Variants in MSANTD1 observed in about 807,000 individuals in gnomAD.
MSANTD1 encodes myb/SANT-like DNA-binding domain-containing protein 1.
Under a neutral mutation model 24.2 loss-of-function variants are expected in MSANTD1, and 7 were observed. The ratio of observed to expected loss-of-function variants is 0.29; its 90% CI spans 0.16 to 0.54. The LOEUF is 0.54. MSANTD1 is among the 20% of genes least tolerant of loss of function. The probability of loss-of-function intolerance (pLI) is 0.94; values close to 1 mark genes in which losing one functional copy is unlikely to be tolerated. For synonymous variants in MSANTD1, 177 were observed against 181.1 expected, an observed-to-expected ratio of 0.98 and a Z score of 0.18; for missense variants, 384 against 408.2, an observed-to-expected ratio of 0.94 and a Z score of 0.51.
intron 2 of MSANTD1, among the ~76,000 whole-genome samples, chr4:3,255,237 T>C (rs1231236072): frequency 2.0e-5 from 3 of 151,418 alleles, no homozygotes; most frequent in Admixed American, 6.6e-5. Context: ...CTTTTTCTTT[T>C]TTTTTTTTTT....
Position 3,249,195 on chromosome 4 carries a change from GA to G in MSANTD1, c.-27del, listed in dbSNP as rs1722130717. 7.3e-7 allele frequency: 1 copy of G among 1,361,570 alleles called. No individual in the cohort carries two copies. The highest frequency in any genetic ancestry group is 1.5e-5 in the African/African-American group (1 of 65,146). The allele number at this position is 1,361,570 out of a possible 1,614,324, so 84.3% of individuals were successfully genotyped here. On this transcript the variant is annotated 5_prime_UTR_variant, in exon 1 of 3. Coordinates refer to ENST00000438480, the MANE Select transcript of MSANTD1 (RefSeq NM_001042690.2). ...CCATTTTGAGCGTGGAGCTGCCTTC[GA>G]GCGAGCGTGAGCGGCGCCTCCCGCC...
intron 1 of MSANTD1, among the ~76,000 whole-genome samples, chr4:3,250,815 G>A (rs1722202279): frequency 6.6e-6 from 1 of 152,178 alleles, no homozygotes; most frequent in Admixed American, 6.5e-5. Context: ...CACCCCCACT[G>A]CCCCCCTCAG....
chr4:3,246,530 G>A, upstream of MSANTD1: 1 of 562,692 alleles, frequency 1.8e-6, no homozygotes, highest in Non-Finnish European at 3.2e-6. Context: ...CCCCGCCCAT[G>A]TCCCAGGTCT....
chr4:3,250,960 A>AT (rs1228543885), intron 1 of MSANTD1, among the ~76,000 whole-genome samples: 2 of 152,054 alleles, frequency 1.3e-5, no homozygotes, highest in Non-Finnish European at 2.9e-5. Context: ...CGTTGATTTG[A>AT]TTTTTTCTGA....
intron 2 of MSANTD1, among the ~76,000 whole-genome samples, chr4:3,254,925 G>A (rs540193796): frequency 6.6e-6 from 1 of 152,306 alleles, no homozygotes; most frequent in East Asian, 1.9e-4. Flanking sequence ...AAGGCCGGGT[G>A]GGGCTGGTGG....
upstream of MSANTD1, chr4:3,249,135 C>A: frequency 8.2e-7 from 1 of 1,222,124 alleles, no homozygotes; most frequent in Non-Finnish European, 1.1e-6. Context: ...CGTTTAAAAG[C>A]TTTTAACTAA....
At chr4:3,251,606 G>A (rs1332933631) in intron 1 of MSANTD1, among the ~76,000 whole-genome samples, 5 of 152,208 alleles carry the variant, frequency 3.3e-5, no homozygotes, top group African/African-American at 1.2e-4. Flanking sequence ...AGCAGAGGAA[G>A]CTGTGGCTGG....
Position 3,256,022 on chromosome 4 carries a change from CCAGGGCAGGCCACT to C in MSANTD1, c.*62_*75del. 1.4e-6 allele frequency: 2 copies of C among 1,424,278 alleles called. No homozygotes were observed. Among genetic ancestry groups the C allele is most frequent in the South Asian group, 3.0e-5 (2 of 66,034 alleles). The allele number at this position is 1,424,278 out of a possible 1,614,324, so 88.2% of individuals were successfully genotyped here. ...CGGCTGGTGGTACTGCTCAGGCCAC[CCAGGGCAGGCCACT>C]CAGGCCAGGCGGGCAAGGGGGCCGC... On this transcript the variant is annotated 3_prime_UTR_variant, in exon 3 of 3. Coordinates refer to ENST00000438480, the MANE Select transcript of MSANTD1 (RefSeq NM_001042690.2).
Position 3,253,232 on chromosome 4 carries a change from G to A in MSANTD1, c.346G>A (p.Glu116Lys). ...GAAATTAAAATGCATGACAGATAGC[G>A]AGTCCGCCCCGCCCGACTGGCCCTA... ...YRKLKCMTDSESAPPDWPYYL... is the reference protein window; with the variant it reads ...YRKLKCMTDSKSAPPDWPYYL... The change falls in exon 2 of 3, where the codon GAG becomes AAG. Residue 116 changes from glutamate to lysine, a missense_variant. Physicochemically the swap from Glu to Lys is moderately conservative, Grantham distance 56. Coordinates refer to ENST00000438480, the MANE Select transcript of MSANTD1 (RefSeq NM_001042690.2). 2 of 1,571,048 alleles carry A rather than the reference G, an allele frequency of 1.3e-6. No homozygotes were observed. Among genetic ancestry groups the A allele is most frequent in the East Asian group, 2.3e-5 (1 of 43,084 alleles).
rs757574736 is a variant in MSANTD1, at chr4:3,249,362, C to T, written c.140C>T (p.Thr47Met). The T allele has an allele frequency of 8.3e-6, 13 of 1,560,570 alleles. No individual in the cohort carries two copies. Among genetic ancestry groups the T allele is most frequent in the African/African-American group, 1.4e-5 (1 of 73,784 alleles). The change falls in exon 1 of 3, where the codon ACG (threonine) becomes ATG (methionine). Residue 47 changes from threonine to methionine, a missense_variant. Transcript: ENST00000438480. ...AEKHRRARNW[T>M]DAEMRGLMLV... Reference sequence around the variant, plus strand: ...AAGCACCGGCGGGCCCGCAACTGGACGGACGCCGAGATGCGCGGCCTCATG... The same window carrying T: ...AAGCACCGGCGGGCCCGCAACTGGATGGACGCCGAGATGCGCGGCCTCATG...
upstream of MSANTD1, among the ~76,000 whole-genome samples, chr4:3,245,795 T>TG (rs111926367): frequency 6.6e-6 from 1 of 152,114 alleles, no homozygotes; most frequent in Non-Finnish European, 1.5e-5. Context: ...CCACATCCTC[T>TG]GGGGGGGCCC....
chr4:3,255,976 G>A lies in MSANTD1; in HGVS notation c.*11G>A, dbSNP rs749510832. On this transcript the variant is annotated 3_prime_UTR_variant, in exon 3 of 3. Transcript: ENST00000438480. ...AAGTCCAGCGTCTAGGCCAGCAGGC[G>A]GCGGCGGCGGCGGGGCCGGGCGGCT... 11 of 1,498,270 alleles carry A rather than the reference G, an allele frequency of 7.3e-6. No homozygotes were observed. The highest frequency in any genetic ancestry group is 2.8e-5 in the African/African-American group (2 of 71,226). The allele number at this position is 1,498,270 out of a possible 1,614,324, so 92.8% of individuals were successfully genotyped here. A position where few individuals can be genotyped will look rare whatever the true frequency, so the allele number is the denominator to read the frequency against.
chr4:3,249,687 A>T, intron 1 of MSANTD1, 145 bp downstream of exon 1: 1 of 787,134 alleles, frequency 1.3e-6, no homozygotes, highest in Middle Eastern at 2.9e-4. Flanking sequence ...TATGGGCAGA[A>T]CCCCACGGGG....
At chr4:3,250,477 C>T (rs1722190345) in intron 1 of MSANTD1, among the ~76,000 whole-genome samples, 1 of 152,096 alleles carries the variant, frequency 6.6e-6, no homozygotes, top group African/African-American at 2.4e-5. Context: ...CAGGCACAGG[C>T]AAGGTCACAG....
Position 3,253,897 on chromosome 4 carries a change from C to T in MSANTD1, c.596+415C>T, listed in dbSNP as rs535703394. On this transcript the variant is annotated intron_variant, in intron 2 of 2. Coordinates refer to ENST00000438480, the MANE Select transcript of MSANTD1 (RefSeq NM_001042690.2). The stretch of plus-strand genomic sequence containing the variant: ...CTCCCTTAGCCCACACAGACCCCAC[C>T]CTCACAGGCTAGCTGCCCTCTCAGC... 6.6e-5 allele frequency among the ~76,000 whole-genome samples: 10 copies of T among 152,364 alleles called. No individual in the cohort carries two copies. In the East Asian group the frequency reaches 1.9e-3, roughly 29 times the overall value.
upstream of MSANTD1, chr4:3,247,750 A>G (rs940215719): frequency 1.3e-5 from 2 of 152,136 alleles, no homozygotes; most frequent in Non-Finnish European, 2.9e-5. Context: ...GGCCCTCCCC[A>G]TACACTTCCT....
chr4:3,253,157 GC>G (rs1160275125), intron 1 of MSANTD1, 49 bp from the exon 2 acceptor site: 1 of 1,487,412 alleles, frequency 6.7e-7, no homozygotes, highest in African/African-American at 1.4e-5. Context: ...CAGGACAGGG[GC>G]TGGGCCAGCT....
chr4:3,247,084 C>A (rs1722052299), upstream of MSANTD1, among the ~76,000 whole-genome samples: 1 of 152,160 alleles, frequency 6.6e-6, no homozygotes, highest in Non-Finnish European at 1.5e-5. Context: ...GACAGTAGGC[C>A]TGACGCTGTC....
chr4:3,253,246 C>T lies in MSANTD1; in HGVS notation c.360C>T (p.Pro120=), dbSNP rs1482513786. The change falls in exon 2 of 3, where the codon CCC becomes CCT. Residue 120 remains proline (P), a synonymous_variant. Transcript: ENST00000438480. ...TGACAGATAGCGAGTCCGCCCCGCC[C>T]GACTGGCCCTATTACCTAGCCATTG... ...KCMTDSESAP[P]DWPYYLAIDG... is the part of the protein sequence containing the mutation. 20 of 1,591,030 alleles carry T rather than the reference C, an allele frequency of 1.3e-5. No individual in the cohort carries two copies. Among genetic ancestry groups the T allele is most frequent in the South Asian group, 1.0e-4 (9 of 87,958 alleles).
Sources: allele counts gnomAD v4.1 joint callset (sites outside exome capture counted in the v4.1 genomes callset), GRCh38; gene constraint gnomAD v4.1.1; transcripts MANE v1.5; gene names NCBI Gene and HGNC (gene_info 2026-07-23, HGNC 2026-07-21).